The following ADCY3 variants were observed in gnomAD, a reference collection of about 807,000 sequenced individuals.
The protein encoded by ADCY3 is adenylate cyclase type 3.
Under a neutral mutation model 119.4 loss-of-function variants are expected in ADCY3, and 70 were observed. That is an observed-to-expected ratio of 0.59 (90% CI 0.48 to 0.72). ADCY3 has a LOEUF of 0.72. Ranked by LOEUF, ADCY3 falls within the 30% of genes least tolerant of loss-of-function variation. The pLI is 0.00. For missense variants in ADCY3, 1,238 were observed against 1,541.6 expected (o/e 0.80, Z 3.30); for synonymous variants, 672 against 621.4 (o/e 1.08, Z -1.21).
chr2:24,871,935 T>C (rs193142245), intron 3 of ADCY3, among the ~76,000 whole-genome samples: 300 of 152,298 alleles, frequency 2.0e-3, no homozygotes, highest in African/African-American at 7.0e-3. Context: ...TCTCTCCAGA[T>C]GGAGAATGTA....
intron 18 of ADCY3, among the ~76,000 whole-genome samples, 178 bp from the exon 19 acceptor site, chr2:24,822,808 T>G (rs1321588869): frequency 6.6e-6 from 1 of 152,212 alleles, no homozygotes; most frequent in Non-Finnish European, 1.5e-5. Context: ...TTCCTAACTT[T>G]CTGGGCCTGT....
rs769420529 is a variant in ADCY3, at chr2:24,834,906, G to C, written c.1693C>G (p.Arg565Gly). Residue 565 changes from arginine (R) to glycine (G), a missense_variant, in exon 10 of 22, where the codon CGG (arginine) becomes GGG (glycine). Physicochemically the swap from Arg to Gly is moderately radical, Grantham distance 125 (BLOSUM62 -2). Transcript: ENST00000679454. This position sits in a 1 kb window ranked among gnomAD's most constrained non-coding sequence, Gnocchi z 4.2. ...GCCAGGTCCTGCAGGCGCAGCCTCC[G>C]GCGTGGGTTGGGGAATGAGGGGTTG... is the stretch of plus-strand genomic sequence containing the variant. ...ADNPSFPNPR[R>G]RLRLQDLADR... 6.2e-7 allele frequency: 1 copy of C among 1,613,754 alleles called. No individual in the cohort carries two copies. Among genetic ancestry groups the C allele is most frequent in the South Asian group, 1.1e-5 (1 of 91,030 alleles).
rs539803953 is a variant in ADCY3, at chr2:24,857,462, T to G, written c.826-15078A>C. 5.9e-5 allele frequency among the ~76,000 whole-genome samples: 9 copies of G among 152,406 alleles called. No individual in the cohort carries two copies. The South Asian group carries it at 1.9e-3, about 32-fold the overall frequency. ...TGCAATCACAGAAATGTTCTGTATC[T>G]TTGCTGTCCAATATGGCAGCCACAT... On this transcript the variant is annotated intron_variant, in intron 3 of 21. Transcript: ENST00000679454.
chr2:24,895,970 T>C (rs929959414), intron 2 of ADCY3, among the ~76,000 whole-genome samples: 2 of 152,250 alleles, frequency 1.3e-5, no homozygotes, highest in African/African-American at 4.8e-5. Context: ...TTTGATTTTG[T>C]AGTTGATATT....
At chr2:24,840,315 T>C (rs1038241340) in intron 6 of ADCY3, among the ~76,000 whole-genome samples, 4 of 152,252 alleles carry the variant, frequency 2.6e-5, no homozygotes, top group African/African-American at 9.6e-5. Context: ...TTTTATTCAT[T>C]CGTGCAGTTA....
In ADCY3 at chr2:24,857,991, ATTTTTTTTTT is replaced by A. The variant is rs56672595; in HGVS notation, c.825+14569_825+14578del. Reference sequence around the variant, plus strand: ...AAGTCCTGAAATACTTGTGGTCTGAATTTTTTTTTTTTTTTTTTTTTTTTAAAGAGACAGG... The same window carrying A: ...AAGTCCTGAAATACTTGTGGTCTGAATTTTTTTTTTTTTTAAAGAGACAGG... On this transcript the variant is annotated intron_variant, in intron 3 of 21. Coordinates refer to ENST00000679454, the MANE Select transcript of ADCY3 (RefSeq NM_004036.5). Among the ~76,000 whole-genome samples the A allele has an allele frequency of 6.6e-4, 81 of 122,398 alleles. 2 individuals are homozygous for A. The highest frequency in any genetic ancestry group is 2.6e-3 in the African/African-American group (76 of 29,458). The allele number at this position is 122,398 out of a possible 152,430, so 80.3% of individuals were successfully genotyped here.
At chr2:24,854,462 T>C (rs1052079857) in intron 3 of ADCY3, among the ~76,000 whole-genome samples, 1 of 152,160 alleles carries the variant, frequency 6.6e-6, no homozygotes, top group African/African-American at 2.4e-5. Context: ...GGGCATCTCT[T>C]AGGCCTCTTT....
Position 24,819,822 on chromosome 2 carries a change from A to G in ADCY3, c.*110T>C. ...ACAAATGAAGGCTGAGGAGGTTTCT[A>G]AACCTAAAGTCCATGAGTGTGCACT... is the stretch of plus-strand genomic sequence containing the variant. On this transcript the variant is annotated 3_prime_UTR_variant, in exon 22 of 22. Transcript: ENST00000679454. 1 of 1,211,322 alleles carries G rather than the reference A, an allele frequency of 8.3e-7. No homozygotes were observed. Among genetic ancestry groups the G allele is most frequent in the South Asian group, 1.6e-5 (1 of 64,230 alleles). The allele number at this position is 1,211,322 out of a possible 1,614,324, so 75.0% of individuals were successfully genotyped here.
chr2:24,912,591 GTGTGTGTGTGTGCA>G (rs774234966), intron 2 of ADCY3, among the ~76,000 whole-genome samples: 34,705 of 102,500 alleles, frequency 0.34, 4,529 homozygotes, highest in African/African-American at 0.52. Flanking sequence ...GTGTGCATGT[GTGTGTGTGTGTGCA>G]TGTGTGTGTG....
intron 2 of ADCY3, among the ~76,000 whole-genome samples, chr2:24,903,847 G>A (rs997949068): frequency 2.6e-5 from 4 of 152,174 alleles, no homozygotes; most frequent in Admixed American, 1.3e-4. Flanking sequence ...TGCCGAGGAC[G>A]AAGATTCTAA....
intron 6 of ADCY3, 128 bp from the exon 7 acceptor site, chr2:24,840,159 C>T: frequency 1.5e-6 from 2 of 1,302,102 alleles, no homozygotes; most frequent in Non-Finnish European, 2.1e-6. Context: ...GGCAAGGTCC[C>T]CACAGCTTGG....
intron 3 of ADCY3, among the ~76,000 whole-genome samples, chr2:24,848,430 G>C (rs1287572917): frequency 2.0e-5 from 3 of 152,142 alleles, no homozygotes; most frequent in Non-Finnish European, 4.4e-5. Flanking sequence ...AAATATGTGG[G>C]TAAATCTCTG....
intron 2 of ADCY3, among the ~76,000 whole-genome samples, chr2:24,875,170 T>C (rs1675530550): frequency 6.6e-6 from 1 of 152,208 alleles, no homozygotes; most frequent in Admixed American, 6.5e-5. Flanking sequence ...GTGAGCTGAT[T>C]CTAGAAAATT....
In ADCY3 at chr2:24,878,145, AC is replaced by A. The variant is rs1252356587; in HGVS notation, c.676-5427del. 6 of 264,146 alleles carry A rather than the reference AC, an allele frequency of 2.3e-5. No individual in the cohort carries two copies. Among genetic ancestry groups the A allele is most frequent in the Non-Finnish European group, 3.9e-5 (5 of 129,636 alleles). The allele number at this position is 264,146 out of a possible 1,614,324, so 16.4% of individuals were successfully genotyped here. On this transcript the variant is annotated intron_variant, in intron 2 of 21. Transcript: ENST00000679454. The surrounding 1 kb of genome is among the most constrained non-coding windows in gnomAD (Gnocchi z 4.0). ...TTGTTCTGCTTTTTTAAAATATACAACATTTTTAGAATAATAAAATGCATCT... is the reference window on the plus strand; with the variant it reads ...TTGTTCTGCTTTTTTAAAATATACAAATTTTTAGAATAATAAAATGCATCT...
chr2:24,901,264 A>G (rs1240003509), intron 2 of ADCY3, among the ~76,000 whole-genome samples: 1 of 152,214 alleles, frequency 6.6e-6, no homozygotes, highest in Non-Finnish European at 1.5e-5. Context: ...TAGGAAGGCC[A>G]TGCATTTATT....
At chr2:24,873,153 G>C (rs1336279972) in intron 2 of ADCY3, among the ~76,000 whole-genome samples, 9 of 152,250 alleles carry the variant, frequency 5.9e-5, no homozygotes, top group African/African-American at 2.2e-4. Flanking sequence ...TGTTGGTAAG[G>C]AGGGTGCACA....
At chr2:24,820,178 G>A in intron 21 of ADCY3, 64 bp from the exon 22 acceptor site, 1 of 1,308,640 alleles carries the variant, frequency 7.6e-7, no homozygotes, top group Admixed American at 2.4e-5. Context: ...GGGCGGGTGG[G>A]GGCTTTGGGT....
intron 13 of ADCY3, among the ~76,000 whole-genome samples, chr2:24,828,438 A>C (rs1285550476): frequency 6.6e-6 from 1 of 152,188 alleles, no homozygotes; most frequent in African/African-American, 2.4e-5. Context: ...AGATTTGCCC[A>C]AACACAATTA....
At chr2:24,870,778 T>C (rs1674894992) in intron 3 of ADCY3, among the ~76,000 whole-genome samples, 1 of 152,182 alleles carries the variant, frequency 6.6e-6, no homozygotes, top group Non-Finnish European at 1.5e-5. Flanking sequence ...CATGGCCCCG[T>C]GCACTCGGCC....
Sources: gnomAD v4.1 joint callset for allele counts (sites outside exome capture counted in the v4.1 genomes callset) on GRCh38, gnomAD v4.1.1 for gene constraint, Gnocchi (gnomAD v3.1) non-coding constraint, MANE v1.5 for transcripts, NCBI Gene and HGNC (gene_info 2026-07-23, HGNC 2026-07-21) for gene names.